Variants in ASPA observed in about 807,000 individuals in gnomAD.
ASPA encodes aspartoacylase, also known as ACY-2.
Under a neutral mutation model 29.6 loss-of-function variants are expected in ASPA, and 25 were observed. That is an observed-to-expected ratio of 0.85 (90% confidence interval 0.62 to 1.18). The LOEUF (loss-of-function observed/expected upper bound fraction) is 1.18, where lower values mean the gene tolerates loss of function less well. Ranked by LOEUF, ASPA falls within the 50% of genes most tolerant of loss-of-function variation. The probability of loss-of-function intolerance (pLI) is 0.00; values close to 1 mark genes in which losing one functional copy is unlikely to be tolerated. For missense variants in ASPA, 333 were observed against 385.7 expected, an observed-to-expected ratio of 0.86 and a Z score of 1.14; for synonymous variants, 131 against 130.3, an observed-to-expected ratio of 1.01 and a Z score of -0.04.
At chr17:3,480,452 T>A (rs2150745635) in intron 1 of ASPA, among the ~76,000 whole-genome samples, 1 of 152,352 alleles carries the variant, frequency 6.6e-6, no homozygotes, top group East Asian at 1.9e-4. Flanking sequence ...AGCTGTCCTC[T>A]TGCGCTGAAT....
intron 1 of ASPA, among the ~76,000 whole-genome samples, chr17:3,476,930 C>A (rs1053285305): frequency 6.6e-6 from 1 of 152,068 alleles, no homozygotes; most frequent in Non-Finnish European, 1.5e-5. Flanking sequence ...CCGAGGCAGG[C>A]GGATCACGAG....
At chr17:3,493,194 T>C (rs1352192997) in intron 4 of ASPA, among the ~76,000 whole-genome samples, 1 of 152,140 alleles carries the variant, frequency 6.6e-6, no homozygotes, top group Non-Finnish European at 1.5e-5. Flanking sequence ...TGGAAGTTGG[T>C]CTCCACCACT....
rs2073973626 is a variant in ASPA at position 3,500,223 on chromosome 17, C to A, written c.*1135C>A. 6.6e-6 allele frequency: 1 copy of A among 152,252 alleles called. No homozygotes were observed. Among genetic ancestry groups the A allele is most frequent in the South Asian group, 2.1e-4 (1 of 4,834 alleles). The allele number at this position is 152,252 out of a possible 1,614,324, so 9.4% of individuals were successfully genotyped here. On this transcript the variant is annotated 3_prime_UTR_variant, in exon 6 of 6. Coordinates refer to ENST00000263080, the MANE Select transcript of ASPA (RefSeq NM_000049.4). Reference sequence around the variant, plus strand: ...CTAAAACCTACAAGTGGAAAGCGAACCAGCAAGTTGCTGATGTGGAAGCTG... The same window carrying A: ...CTAAAACCTACAAGTGGAAAGCGAAACAGCAAGTTGCTGATGTGGAAGCTG...
chr17:3,487,040 TTGTG>T (rs139476666), intron 3 of ASPA, among the ~76,000 whole-genome samples: 1 of 148,832 alleles, frequency 6.7e-6, no homozygotes, highest in Non-Finnish European at 1.5e-5. Flanking sequence ...TTTCCCATAT[TTGTG>T]TGTGTGTGTG....
intron 1 of ASPA, among the ~76,000 whole-genome samples, chr17:3,480,750 C>A (rs901134536): frequency 8.5e-5 from 13 of 152,314 alleles, no homozygotes; most frequent in Non-Finnish European, 1.6e-4. Flanking sequence ...GGGCTGTTAT[C>A]ATCTTTGTTT....
At chr17:3,475,912 T>G, upstream of ASPA, 1 of 523,506 alleles carries the variant, frequency 1.9e-6, no homozygotes, top group South Asian at 2.1e-5. Context: ...AGTAAACAGC[T>G]GTATCTCTAG....
intron 2 of ASPA, among the ~76,000 whole-genome samples, chr17:3,482,807 T>C (rs1022497317): frequency 7.0e-6 from 1 of 142,288 alleles, no homozygotes; most frequent in Admixed American, 6.9e-5. Flanking sequence ...ATTACTATTA[T>C]ACTTTAAGTT....
chr17:3,497,592 G>A (rs185228655), intron 5 of ASPA, among the ~76,000 whole-genome samples: 2 of 152,282 alleles, frequency 1.3e-5, no homozygotes, highest in African/African-American at 2.4e-5. Context: ...TATCTGAAAT[G>A]GGCCAGCCCC....
At chr17:3,486,933 G>T (rs1440816219) in intron 3 of ASPA, among the ~76,000 whole-genome samples, 2 of 152,150 alleles carry the variant, frequency 1.3e-5, no homozygotes, top group East Asian at 1.9e-4. Context: ...GTCAGGGGTG[G>T]CGTTGAATGA....
At chr17:3,496,990 C>G (rs773682854) in intron 5 of ASPA, among the ~76,000 whole-genome samples, 1 of 152,148 alleles carries the variant, frequency 6.6e-6, no homozygotes, top group African/African-American at 2.4e-5. Flanking sequence ...TGCTTGAACT[C>G]GGGAGGTGAA....
chr17:3,489,900 A>G (rs2073795003), intron 4 of ASPA, among the ~76,000 whole-genome samples: 1 of 152,322 alleles, frequency 6.6e-6, no homozygotes. Context: ...GTTTACAAAG[A>G]TTGTTATCGT....
At position 3,489,569 on chromosome 17, in the gene ASPA, A is replaced by AAAAG. The variant is rs148871961; in HGVS notation, c.634+229_634+232dup. The stretch of plus-strand genomic sequence containing the variant: ...TCCTGCTAATCTCCATTTTAAAAAG[A>AAAAG]AAAGACGAGAAAATACAAATGCCCA... On this transcript the variant is annotated intron_variant, in intron 4 of 5. Coordinates refer to ENST00000263080, the MANE Select transcript of ASPA (RefSeq NM_000049.4). 0.08 allele frequency among the ~76,000 whole-genome samples: 12,119 copies of AAAAG among 152,242 alleles called. 1,006 individuals carry two copies. The highest frequency in any genetic ancestry group is 0.21 in the African/African-American group (8,675 of 41,474).
Position 3,476,272 on chromosome 17 carries a change from G to C in ASPA, c.113G>C (p.Gly38Ala), listed in dbSNP as rs1456006856. 1 of 1,614,158 alleles carries C rather than the reference G, an allele frequency of 6.2e-7. No homozygotes were observed. The highest frequency in any genetic ancestry group is 1.7e-5 in the Admixed American group (1 of 60,024). ...VFLVKHWLENGAEIQRTGLEV... is the reference protein window; with the variant it reads ...VFLVKHWLENAAEIQRTGLEV... ...CTGGTTAAGCATTGGCTAGAGAATG[G>C]CGCTGAGATTCAGAGAACAGGGCTG... Residue 38 changes from glycine to alanine, a missense_variant, in exon 1 of 6, where the codon GGC (glycine) becomes GCC (alanine). Physicochemically the swap from Gly to Ala is moderately conservative, Grantham distance 60. Coordinates refer to ENST00000263080, the MANE Select transcript of ASPA (RefSeq NM_000049.4).
chr17:3,482,981 C>T (rs17222495), intron 2 of ASPA, among the ~76,000 whole-genome samples: 4,839 of 133,886 alleles, frequency 0.036, 131 homozygotes, highest in East Asian at 0.11. Context: ...GAAGAGAGAG[C>T]GGAATGCTTT....
At chr17:3,478,054 G>A (rs1174764971) in intron 1 of ASPA, among the ~76,000 whole-genome samples, 4 of 151,974 alleles carry the variant, frequency 2.6e-5, no homozygotes, top group Admixed American at 1.3e-4. Context: ...GCATGGTGGC[G>A]GGCACCTGTA....
intron 5 of ASPA, among the ~76,000 whole-genome samples, chr17:3,497,193 C>T (rs955675861): frequency 6.6e-6 from 1 of 152,190 alleles, no homozygotes; most frequent in African/African-American, 2.4e-5. Context: ...CTGGATAGCA[C>T]TGCACAATGT....
Position 3,496,795 on chromosome 17 carries a change from G to A in ASPA, c.745-2096G>A, listed in dbSNP as rs141950853. Among the ~76,000 whole-genome samples, 1,205 of 152,284 alleles carry A rather than the reference G, an allele frequency of 7.9e-3. 17 individuals are homozygous for A. Among genetic ancestry groups the A allele is most frequent in the African/African-American group, 0.027 (1,132 of 41,552 alleles). ...AAAATGCTGATTCCTGGCCAGGAGC[G>A]GTGGCTCACGCCTGTAATCCCAGCG... On this transcript the variant is annotated intron_variant, in intron 5 of 5. Transcript: ENST00000263080.
intron 3 of ASPA, among the ~76,000 whole-genome samples, chr17:3,486,543 A>T (rs941575012): frequency 6.6e-6 from 1 of 152,098 alleles, no homozygotes; most frequent in Non-Finnish European, 1.5e-5. Flanking sequence ...AACTTCCAAC[A>T]TGCAGCCCCA....
At position 3,490,987 on chromosome 17, in the gene ASPA, A is replaced by G. The variant is rs538588670; in HGVS notation, c.634+1645A>G. Among the ~76,000 whole-genome samples the G allele has an allele frequency of 6.6e-5, 10 of 152,336 alleles. No homozygotes were observed. The East Asian group carries it at 1.9e-3, about 29-fold the overall frequency. On this transcript the variant is annotated intron_variant, in intron 4 of 5. Coordinates refer to ENST00000263080, the MANE Select transcript of ASPA (RefSeq NM_000049.4). The surrounding 1 kb of genome is among the most constrained non-coding windows in gnomAD (Gnocchi z 4.6). The stretch of plus-strand genomic sequence containing the variant: ...GACTATCCAGCTTGGTGGATTTTCA[A>G]CTGAGCACTCCTATCCACAGAATGC...
Sources: allele counts gnomAD v4.1 joint callset (sites outside exome capture counted in the v4.1 genomes callset), GRCh38; gene constraint gnomAD v4.1.1; non-coding constraint Gnocchi (gnomAD v3.1); transcripts MANE v1.5; gene names NCBI Gene and HGNC (gene_info 2026-07-23, HGNC 2026-07-21).